SNTG1: variants seen among roughly 807,000 people sequenced by gnomAD.
SNTG1 encodes the protein syntrophin gamma 1, also known as gamma-1-syntrophin.
A neutral mutation model predicts 74.7 loss-of-function variants in SNTG1; 39 were observed. The observed-to-expected ratio is 0.52, with a 90% CI of 0.40 to 0.68. The LOEUF (loss-of-function observed/expected upper bound fraction) is 0.68, where lower values mean the gene tolerates loss of function less well. Among genes scored for constraint, SNTG1 ranks in the 30% least tolerant of loss-of-function variants. The pLI, the probability that SNTG1 is intolerant of heterozygous loss-of-function variation, is 0.00. For synonymous variants in SNTG1, 254 were observed against 217.1 expected (o/e 1.17, Z -1.49); for missense variants, 685 against 609.5 (o/e 1.12, Z -1.30).
At chr8:50,541,144 A>C (rs1346607243) in intron 11 of SNTG1, among the ~76,000 whole-genome samples, 1 of 151,820 alleles carries the variant, frequency 6.6e-6, no homozygotes, top group Non-Finnish European at 1.5e-5. Flanking sequence ...TAGTATTTTC[A>C]TTTACTCTTA....
At chr8:50,435,445 G>A (rs184646718) in intron 4 of SNTG1, among the ~76,000 whole-genome samples, 1 of 152,120 alleles carries the variant, frequency 6.6e-6, no homozygotes, top group Non-Finnish European at 1.5e-5. Flanking sequence ...TATGAGCTGA[G>A]TATTTGAAAT....
intron 2 of SNTG1, among the ~76,000 whole-genome samples, chr8:50,250,642 G>GA (rs934887944): frequency 5.9e-5 from 9 of 151,906 alleles, no homozygotes; most frequent in African/African-American, 1.9e-4. Flanking sequence ...TGCATGCCAG[G>GA]AAAAAAATTG....
At chr8:50,340,570 A>T (rs2091288266) in intron 2 of SNTG1, among the ~76,000 whole-genome samples, 1 of 151,982 alleles carries the variant, frequency 6.6e-6, no homozygotes, top group Non-Finnish European at 1.5e-5. Context: ...AATAAATTCA[A>T]ACTGAATCAC....
At chr8:50,491,491 G>A (rs78045913) in intron 8 of SNTG1, 8,206 of 152,346 alleles carry the variant, frequency 0.054, 332 homozygotes, top group South Asian at 0.18. Flanking sequence ...AAGCCCCAGC[G>A]AGTGAGCCAG....
intron 2 of SNTG1, among the ~76,000 whole-genome samples, chr8:50,318,336 A>G (rs1283471870): frequency 1.3e-5 from 2 of 152,214 alleles, no homozygotes; most frequent in African/African-American, 2.4e-5. Context: ...TACAATGCCT[A>G]ACTGCATAAA....
intron 2 of SNTG1, among the ~76,000 whole-genome samples, chr8:50,280,950 G>T (rs573435831): frequency 7.5e-6 from 1 of 132,778 alleles, no homozygotes; most frequent in Non-Finnish European, 1.5e-5. Context: ...TCAGGAGATC[G>T]AGACCATCCT....
At chr8:50,483,406 GTGT>G (rs2093757156) in intron 8 of SNTG1, among the ~76,000 whole-genome samples, 1 of 150,592 alleles carries the variant, frequency 6.6e-6, no homozygotes, top group South Asian at 2.1e-4. Context: ...CCGTTTTTAA[GTGT>G]TTAAAATTAC....
chr8:50,663,443 C>G (rs901940696), intron 15 of SNTG1, among the ~76,000 whole-genome samples: 32 of 152,046 alleles, frequency 2.1e-4, no homozygotes, highest in Admixed American at 2.0e-3. Context: ...TTCTGGTCAA[C>G]CAGGGCATGG....
At chr8:50,189,651 A>G (rs1429169706) in intron 2 of SNTG1, among the ~76,000 whole-genome samples, 1 of 152,178 alleles carries the variant, frequency 6.6e-6, no homozygotes, top group Non-Finnish European at 1.5e-5. Context: ...CCAGGTACCA[A>G]GTCTGCTGTA....
chr8:50,055,510 G>GT (rs1819950675), intron 1 of SNTG1, among the ~76,000 whole-genome samples: 2 of 152,244 alleles, frequency 1.3e-5, no homozygotes, highest in African/African-American at 4.8e-5. Context: ...GCTGGAATGC[G>GT]TGGGGCAGGG....
intron 2 of SNTG1, among the ~76,000 whole-genome samples, chr8:50,183,651 C>T (rs542886122): frequency 2.6e-5 from 4 of 152,210 alleles, no homozygotes; most frequent in South Asian, 2.1e-4. Flanking sequence ...AAAATCTTAA[C>T]CATAATTAAA....
In SNTG1 at chr8:50,671,154, A is replaced by C. The variant is rs936733869; in HGVS notation, c.1038+12491A>C. Among the ~76,000 whole-genome samples the C allele has an allele frequency of 1.9e-3, 292 of 151,900 alleles. 2 individuals are homozygous for C. Among genetic ancestry groups the C allele is most frequent in the Middle Eastern group, 0.01 (3 of 292 alleles). ...ATGGGCAAGGACTTCATGTCTAAAA[A>C]ACCAAAAGCAATGGCAACAAAAGCC... On this transcript the variant is annotated intron_variant, in intron 15 of 18. Transcript: ENST00000642720.
intron 8 of SNTG1, among the ~76,000 whole-genome samples, chr8:50,456,138 T>A (rs2093502944): frequency 6.6e-6 from 1 of 152,178 alleles, no homozygotes; most frequent in African/African-American, 2.4e-5. Context: ...GGGATGCCTT[T>A]TTTGCTAGAC....
chr8:50,539,502 G>A (rs1258113993), intron 11 of SNTG1, among the ~76,000 whole-genome samples: 1 of 152,158 alleles, frequency 6.6e-6, no homozygotes, highest in African/African-American at 2.4e-5. Context: ...ACATAAGGAA[G>A]GAGGTGGACG....
chr8:50,303,932 G>A lies in SNTG1; in HGVS notation c.-27-90280G>A, dbSNP rs559633646. Among the ~76,000 whole-genome samples the A allele has an allele frequency of 7.4e-4, 77 of 104,738 alleles. 2 individuals carry two copies. The highest frequency in any genetic ancestry group is 2.3e-3 in the Admixed American group (22 of 9,380). The allele number at this position is 104,738 out of a possible 152,430, so 68.7% of individuals were successfully genotyped here. The stretch of plus-strand genomic sequence containing the variant: ...AGCTGCTTTCTTCTATTTCTGCTAC[G>A]TACAGTAGAATGCTGCAAATCACAC... On this transcript the variant is annotated intron_variant, in intron 2 of 18. Transcript: ENST00000642720.
chr8:50,501,611 AT>A (rs57220646), intron 8 of SNTG1, among the ~76,000 whole-genome samples: 28,214 of 134,032 alleles, frequency 0.21, 5,863 homozygotes, highest in African/African-American at 0.54. Flanking sequence ...ATTTTTTTTT[AT>A]TTTTTTTTTT....
At chr8:50,283,092 T>C (rs1280930856) in intron 2 of SNTG1, among the ~76,000 whole-genome samples, 1 of 152,164 alleles carries the variant, frequency 6.6e-6, no homozygotes, top group African/African-American at 2.4e-5. Flanking sequence ...AAGGGAAAAA[T>C]GTTTCCTTGA....
intron 1 of SNTG1, among the ~76,000 whole-genome samples, chr8:50,169,936 G>T (rs1264583016): frequency 3.3e-5 from 5 of 152,118 alleles, no homozygotes; most frequent in Admixed American, 6.6e-5. Context: ...ATGACAGAGT[G>T]GGACCCCATG....
chr8:50,154,328 C>T (rs2082179580), intron 1 of SNTG1, among the ~76,000 whole-genome samples: 1 of 152,090 alleles, frequency 6.6e-6, no homozygotes, highest in African/African-American at 2.4e-5. Flanking sequence ...TACTGTCTGT[C>T]ACCGCTTCCC....
Sources: gnomAD v4.1 joint callset for allele counts (sites outside exome capture counted in the v4.1 genomes callset) on GRCh38, gnomAD v4.1.1 for gene constraint, MANE v1.5 for transcripts, NCBI Gene and HGNC (gene_info 2026-07-23, HGNC 2026-07-21) for gene names.